The following ANXA6 variants were observed in gnomAD, a reference collection of about 807,000 sequenced individuals.
ANXA6 encodes annexin A6, also known as 67 kDa calelectrin.
In ANXA6, 71 loss-of-function variants were observed where a neutral mutation model predicts 95.4. That is an observed-to-expected ratio of 0.74 (90% CI 0.61 to 0.91). The LOEUF (loss-of-function observed/expected upper bound fraction) is 0.91, where lower values mean the gene tolerates loss of function less well. ANXA6 is among the 40% of genes least tolerant of loss of function. The pLI, the probability that ANXA6 is intolerant of heterozygous loss-of-function variation, is 0.00. For missense variants in ANXA6, 830 were observed against 876.4 expected (o/e 0.95, Z 0.67); for synonymous variants, 289 against 315.9 (o/e 0.91, Z 0.90).
rs376613666 is a variant in ANXA6 at position 151,137,340 on chromosome 5, C to G, written c.319-19G>C. ...CAATGCCCTGGGGGTAGAAAAAGAGCGCATGAATTAAGGGCAGGGATGGGA... is the reference window on the plus strand; with the variant it reads ...CAATGCCCTGGGGGTAGAAAAAGAGGGCATGAATTAAGGGCAGGGATGGGA... On this transcript the variant is annotated intron_variant, in intron 5 of 25. Coordinates refer to ENST00000354546, the MANE Select transcript of ANXA6 (RefSeq NM_001155.5). 3.7e-6 allele frequency: 6 copies of G among 1,603,476 alleles called. No homozygotes were observed. Among genetic ancestry groups the G allele is most frequent in the Non-Finnish European group, 5.1e-6 (6 of 1,173,218 alleles).
At chr5:151,119,992 A>G (rs1765117893) in intron 17 of ANXA6, among the ~76,000 whole-genome samples, 1 of 152,008 alleles carries the variant, frequency 6.6e-6, no homozygotes, top group South Asian at 2.1e-4. Flanking sequence ...TGATTCTCCT[A>G]CTTCAGCCTC....
At chr5:151,111,702 C>G (rs955410140) in intron 20 of ANXA6, among the ~76,000 whole-genome samples, 3 of 152,226 alleles carry the variant, frequency 2.0e-5, no homozygotes, top group Non-Finnish European at 4.4e-5. Context: ...GATTCTCCTG[C>G]CTCAGCCTCC....
chr5:151,149,947 G>A (rs112379155), intron 1 of ANXA6, among the ~76,000 whole-genome samples: 1,866 of 151,998 alleles, frequency 0.012, 41 homozygotes, highest in African/African-American at 0.043. Flanking sequence ...GCGAAACCCC[G>A]TCTCTACGAA....
rs78995478 is a variant in ANXA6 at position 151,136,423 on chromosome 5, A to T, written c.410-88T>A. On this transcript the variant is annotated intron_variant, in intron 6 of 25. Coordinates refer to ENST00000354546, the MANE Select transcript of ANXA6 (RefSeq NM_001155.5). ...GCCCTGCTGCCCCCAAAATGATCAG[A>T]TATTTTTAAGAATTCCAAAACCCAG... The T allele has an allele frequency of 2.4e-3, 3,163 of 1,317,026 alleles. 66 individuals carry two copies. In the African/African-American group the frequency reaches 0.042, roughly 18 times the overall value. The allele number at this position is 1,317,026 out of a possible 1,614,324, so 81.6% of individuals were successfully genotyped here.
chr5:151,115,137 T>C (rs955984897), intron 20 of ANXA6, among the ~76,000 whole-genome samples: 2 of 152,250 alleles, frequency 1.3e-5, no homozygotes, highest in African/African-American at 4.8e-5. Flanking sequence ...ATATCGTTGA[T>C]TTAAAAATGC....
chr5:151,120,183 G>A (rs986313768), intron 17 of ANXA6, among the ~76,000 whole-genome samples: 1 of 152,132 alleles, frequency 6.6e-6, no homozygotes, highest in Non-Finnish European at 1.5e-5. Flanking sequence ...TCTTGGATTT[G>A]AGGAGTGATT....
At chr5:151,104,550 G>T (rs1238038490) in intron 24 of ANXA6, among the ~76,000 whole-genome samples, 1 of 152,222 alleles carries the variant, frequency 6.6e-6, no homozygotes, top group Non-Finnish European at 1.5e-5. Flanking sequence ...GTCAGCTGTG[G>T]TCAGAGAGAT....
intron 20 of ANXA6, 137 bp downstream of exon 20, chr5:151,116,990 G>T: frequency 1.6e-6 from 1 of 643,572 alleles, no homozygotes; most frequent in Non-Finnish European, 2.5e-6. Flanking sequence ...TACAGTCTAA[G>T]TATCAACCAA....
intron 25 of ANXA6, among the ~76,000 whole-genome samples, chr5:151,101,833 C>G (rs1178949480): frequency 6.6e-6 from 1 of 152,194 alleles, no homozygotes; most frequent in Non-Finnish European, 1.5e-5. Context: ...CCCTGTCCAA[C>G]ATGCCCCTGT....
chr5:151,104,030 T>C (rs1229240076), intron 24 of ANXA6, among the ~76,000 whole-genome samples: 2 of 152,156 alleles, frequency 1.3e-5, no homozygotes, highest in Non-Finnish European at 2.9e-5. Flanking sequence ...CAATAACCAA[T>C]ATCTTTAGAA....
intron 8 of ANXA6, 88 bp from the exon 9 acceptor site, chr5:151,133,275 TCCC>T: frequency 1.2e-6 from 1 of 828,448 alleles, no homozygotes; most frequent in South Asian, 1.5e-5. Context: ...TGCTGCCTGA[TCCC>T]TGAACACACG....
intron 20 of ANXA6, among the ~76,000 whole-genome samples, chr5:151,113,504 AAGAG>A (rs1307590552): frequency 6.6e-6 from 1 of 152,090 alleles, no homozygotes; most frequent in African/African-American, 2.4e-5. Context: ...CATTTTTAAA[AAGAG>A]AGAGAGAGGG....
intron 1 of ANXA6, chr5:151,155,631 C>T (rs1433821091): frequency 6.6e-6 from 1 of 152,220 alleles, no homozygotes; most frequent in African/African-American, 2.4e-5. Context: ...GCTTTGTCGC[C>T]ACCCAGGAAG....
intron 14 of ANXA6, 42 bp downstream of exon 14, chr5:151,126,360 G>C (rs754593870): frequency 1.2e-5 from 19 of 1,541,248 alleles, no homozygotes; most frequent in Non-Finnish European, 1.6e-5. Flanking sequence ...AAGCAGAGAA[G>C]CTGTGGTCAA....
intron 6 of ANXA6, 104 bp from the exon 7 acceptor site, chr5:151,136,439 CAAA>C: frequency 9.0e-7 from 1 of 1,111,688 alleles, no homozygotes; most frequent in Non-Finnish European, 1.3e-6. Flanking sequence ...TTAAGAATTC[CAAA>C]ACCCAGTCTA....
In ANXA6 at chr5:151,117,635, G is replaced by GA. The variant is rs1765039057; in HGVS notation, c.1518+122dup. The GA allele has an allele frequency of 3.6e-6, 3 of 836,492 alleles. No homozygotes were observed. In the African/African-American group the frequency reaches 5.1e-5, roughly 14 times the overall value. The allele number at this position is 836,492 out of a possible 1,614,324, so 51.8% of individuals were successfully genotyped here. ...GTGGAACTCTAAGGAGGCAAGTGGG[G>GA]AGACACCCCCTCTCCATCAGGAGTG... On this transcript the variant is annotated intron_variant, in intron 19 of 25. Transcript: ENST00000354546.
chr5:151,126,578 A>T, intron 13 of ANXA6, 98 bp from the exon 14 acceptor site: 3 of 868,146 alleles, frequency 3.5e-6, no homozygotes, highest in South Asian at 1.5e-5. Flanking sequence ...ACACCCCAAC[A>T]CATACACACA....
At chr5:151,102,852 GT>G (rs1354314931) in intron 25 of ANXA6, among the ~76,000 whole-genome samples, 3 of 152,158 alleles carry the variant, frequency 2.0e-5, no homozygotes, top group Non-Finnish European at 1.5e-5. Context: ...AGATAAACAG[GT>G]ATGAGAGAGC....
chr5:151,132,593 G>C (rs766422279), intron 9 of ANXA6, 22 bp from the exon 10 acceptor site: 1 of 1,603,080 alleles, frequency 6.2e-7, no homozygotes, highest in Non-Finnish European at 8.5e-7. Flanking sequence ...AGAGAGACAG[G>C]GAGGTTTGAG....
Sources: gnomAD v4.1 joint callset for allele counts (sites outside exome capture counted in the v4.1 genomes callset) on GRCh38, gnomAD v4.1.1 for gene constraint, MANE v1.5 for transcripts, NCBI Gene and HGNC (gene_info 2026-07-23, HGNC 2026-07-21) for gene names.